Variants in TAF1D observed in about 807,000 individuals in gnomAD.
The protein encoded by TAF1D is TATA-box binding protein associated factor, RNA polymerase I subunit D.
In TAF1D, 23 loss-of-function variants were observed where a neutral mutation model predicts 26.2. The observed-to-expected ratio is 0.88, with a 90% CI of 0.63 to 1.25. The LOEUF is 1.25. Ranked by LOEUF, TAF1D falls within the 50% of genes most tolerant of loss-of-function variation. The probability of loss-of-function intolerance (pLI) is 0.00; values close to 1 mark genes in which losing one functional copy is unlikely to be tolerated. For missense variants in TAF1D, 299 were observed against 322.0 expected (o/e 0.93, Z 0.55); for synonymous variants, 100 against 105.6 (o/e 0.95, Z 0.33).
intron 5 of TAF1D, 147 bp from the exon 6 acceptor site, chr11:93,736,451 C>T (rs1940780062): frequency 7.0e-7 from 1 of 1,421,372 alleles, no homozygotes; most frequent in East Asian, 2.6e-5. Context: ...CTTATTTTTT[C>T]ATTTGACATC....
intron 4 of TAF1D, 38 bp from the exon 5 acceptor site, chr11:93,736,789 T>G: frequency 6.4e-7 from 1 of 1,574,398 alleles, no homozygotes; most frequent in South Asian, 1.1e-5. Context: ...TGACAGAATC[T>G]TCGATGACCT....
chr11:93,738,384 T>C lies in TAF1D; in HGVS notation c.184A>G (p.Ser62Gly). The C allele has an allele frequency of 2.5e-6, 4 of 1,614,048 alleles. No individual in the cohort carries two copies. Among genetic ancestry groups the C allele is most frequent in the Non-Finnish European group, 3.4e-6 (4 of 1,179,994 alleles). Residue 62 changes from serine to glycine, a missense_variant, in exon 3 of 6, where the codon AGT (serine) becomes GGT (glycine). Coordinates refer to ENST00000448108, the MANE Select transcript of TAF1D (RefSeq NM_024116.4). ...FVRTPESVHA[S>G]DSSSDSSFEP... ...AAAGATGAGTCACTTGATGAATCACTTGCGTGAACACTTTCAGGTGTACGA... is the reference window on the plus strand; with the variant it reads ...AAAGATGAGTCACTTGATGAATCACCTGCGTGAACACTTTCAGGTGTACGA...
downstream of TAF1D, chr11:93,733,221 T>C (rs773313995): frequency 1.9e-6 from 1 of 519,142 alleles, no homozygotes. Flanking sequence ...TATACAGCCA[T>C]ATCCAGCTCT....
chr11:93,733,125 T>C (rs759916954), downstream of TAF1D: 1 of 442,630 alleles, frequency 2.3e-6, no homozygotes, highest in African/African-American at 2.1e-5. Context: ...TTCATTCCTA[T>C]AGAAAGTACC....
chr11:93,731,981 C>T (rs758268607), downstream of TAF1D: 2 of 502,838 alleles, frequency 4.0e-6, no homozygotes, highest in South Asian at 2.9e-5. Flanking sequence ...TTTTCTCCTA[C>T]ATTTTTACTC....
At chr11:93,732,970 T>C, downstream of TAF1D, 1 of 312,216 alleles carries the variant, frequency 3.2e-6, no homozygotes. Context: ...ATATACATTG[T>C]AATATTTTTG....
At position 93,736,094 on chromosome 11, in the gene TAF1D, T is replaced by C; in HGVS notation, c.*67A>G. 6.2e-7 allele frequency: 1 copy of C among 1,602,132 alleles called. No homozygotes were observed. Among genetic ancestry groups the C allele is most frequent in the Non-Finnish European group, 8.5e-7 (1 of 1,176,880 alleles). On this transcript the variant is annotated 3_prime_UTR_variant, in exon 6 of 6. Transcript: ENST00000448108. ...CACCAGACTGGTACATATATCCACA[T>C]TTATCTTTATTCATTTCTATGAAGT...
At chr11:93,739,162 T>C in intron 2 of TAF1D, 75 bp downstream of exon 2, 1 of 1,211,494 alleles carries the variant, frequency 8.3e-7, no homozygotes, top group African/African-American at 1.5e-5. Flanking sequence ...TCCTGAAAAT[T>C]ATCTTTACTG....
rs111603177 is a variant in TAF1D at position 93,739,422 on chromosome 11, T to C, written c.-27-91A>G. On this transcript the variant is annotated intron_variant, in intron 1 of 5. Coordinates refer to ENST00000448108, the MANE Select transcript of TAF1D (RefSeq NM_024116.4). ...GTTGAACGTGGTCAGACTATGCCAA[T>C]GATTTCAGGCGAAATCATTTACCAA... 288 of 739,136 alleles carry C rather than the reference T, an allele frequency of 3.9e-4. 1 individual carries two copies. The African/African-American group carries it at 4.5e-3, about 11-fold the overall frequency. 45.8% of individuals were successfully genotyped at this position (739,136 alleles called of 1,614,324 possible). A position where few individuals can be genotyped will look rare whatever the true frequency, so the allele number is the denominator to read the frequency against.
chr11:93,736,929 A>G (rs1005219545), intron 4 of TAF1D, 135 bp downstream of exon 4: 2 of 1,099,010 alleles, frequency 1.8e-6, no homozygotes, highest in Non-Finnish European at 2.5e-6. Flanking sequence ...CTCAACTGTA[A>G]TAATCCCAAT....
Position 93,736,022 on chromosome 11 carries a change from A to C in TAF1D, c.*139T>G. The C allele has an allele frequency of 7.0e-7, 1 of 1,427,222 alleles. No individual in the cohort carries two copies. Among genetic ancestry groups the C allele is most frequent in the Non-Finnish European group, 9.1e-7 (1 of 1,095,502 alleles). The allele number at this position is 1,427,222 out of a possible 1,614,324, so 88.4% of individuals were successfully genotyped here. On this transcript the variant is annotated 3_prime_UTR_variant, in exon 6 of 6. Coordinates refer to ENST00000448108, the MANE Select transcript of TAF1D (RefSeq NM_024116.4). Reference sequence around the variant, plus strand: ...TTCACAAACTTCTTCACAGGGTTAAAAATTTTTTTTCTTGTTATAAAGTTC... The same window carrying C: ...TTCACAAACTTCTTCACAGGGTTAACAATTTTTTTTCTTGTTATAAAGTTC...
chr11:93,732,675 T>G (rs1268126652), downstream of TAF1D: 2 of 285,880 alleles, frequency 7.0e-6, no homozygotes, highest in Non-Finnish European at 1.4e-5. Context: ...AGTCTTTGCC[T>G]AATCTTTGCC....
chr11:93,736,411 T>C, intron 5 of TAF1D, 107 bp from the exon 6 acceptor site: 1 of 1,434,614 alleles, frequency 7.0e-7, no homozygotes, highest in South Asian at 1.6e-5. Flanking sequence ...AGAGACTACA[T>C]GTAGATGTTA....
At chr11:93,735,517 A>G, downstream of TAF1D, 1 of 442,916 alleles carries the variant, frequency 2.3e-6, no homozygotes, top group Admixed American at 6.0e-5. Context: ...CTAAAAAAAC[A>G]AAAACTAGCT....
At chr11:93,739,211 C>A (rs760899596) in intron 2 of TAF1D, 26 bp downstream of exon 2, 4 of 1,551,650 alleles carry the variant, frequency 2.6e-6, no homozygotes, top group Middle Eastern at 1.7e-4. Flanking sequence ...AATTCAGATA[C>A]AATAAACATG....
intron 1 of TAF1D, among the ~76,000 whole-genome samples, chr11:93,740,367 G>A (rs896303584): frequency 2.7e-5 from 4 of 149,242 alleles, no homozygotes; most frequent in Admixed American, 1.3e-4. Flanking sequence ...CGCGGTGGAG[G>A]TTGCTGTTAG....
At chr11:93,731,184 T>A (rs1938628885), downstream of TAF1D, 1 of 454,778 alleles carries the variant, frequency 2.2e-6, no homozygotes, top group African/African-American at 2.0e-5. Flanking sequence ...CTCGTTTTAA[T>A]ATGGATATAC....
In TAF1D at chr11:93,735,824, CT is replaced by C. The variant is rs1247818156; in HGVS notation, c.*336del. ...TTCAAGATGGTTGGGTGTCAAGTTA[CT>C]TTAAGATTTTCTTTTCAAAATTAAA... On this transcript the variant is annotated 3_prime_UTR_variant, in exon 6 of 6. Transcript: ENST00000448108. 9.5e-5 allele frequency: 102 copies of C among 1,069,336 alleles called. No individual in the cohort carries two copies. The highest frequency in any genetic ancestry group is 1.1e-4 in the Non-Finnish European group (96 of 882,790). 66.2% of individuals were successfully genotyped at this position (1,069,336 alleles called of 1,614,324 possible).
Position 93,741,417 on chromosome 11 carries a change from T to C in TAF1D, c.-123A>G, listed in dbSNP as rs1293774215. ...CGACTGGCCTGGTGTCCTAGAGCTC[T>C]GTACACACCACCCTCCCGACCTCAG... On this transcript the variant is annotated 5_prime_UTR_variant, in exon 1 of 6. Transcript: ENST00000448108. The C allele has an allele frequency of 3.3e-5, 15 of 451,660 alleles. No homozygotes were observed. In the Admixed American group the frequency reaches 3.6e-4, roughly 11 times the overall value. The allele number at this position is 451,660 out of a possible 1,614,324, so 28.0% of individuals were successfully genotyped here.
Sources: allele counts gnomAD v4.1 joint callset (sites outside exome capture counted in the v4.1 genomes callset), GRCh38; gene constraint gnomAD v4.1.1; transcripts MANE v1.5; gene names NCBI Gene and HGNC (gene_info 2026-07-23, HGNC 2026-07-21).